Variants in RC3H1 observed in about 807,000 individuals in gnomAD.
RC3H1 encodes ring finger and CCCH-type domains 1, also known as roquin-1.
A neutral mutation model predicts 138.2 loss-of-function variants in RC3H1; 50 were observed. The observed-to-expected ratio is 0.36, with a 90% CI of 0.29 to 0.46. The LOEUF is 0.46. Ranked by LOEUF, RC3H1 falls within the 20% of genes least tolerant of loss-of-function variation. The pLI, the probability that RC3H1 is intolerant of heterozygous loss-of-function variation, is 1.00. For missense variants in RC3H1, 1,031 were observed against 1,388.1 expected (o/e 0.74, Z 4.09); for synonymous variants, 462 against 489.1 (o/e 0.94, Z 0.73).
chr1:174,000,657 CCTTAA>C (rs753540764), intron 1 of RC3H1, among the ~76,000 whole-genome samples: 2 of 152,186 alleles, frequency 1.3e-5, no homozygotes, highest in Non-Finnish European at 2.9e-5. Flanking sequence ...TTATTCTTGA[CCTTAA>C]CTTAATTTTT....
chr1:174,015,109 T>A (rs1661835605), intron 1 of RC3H1, among the ~76,000 whole-genome samples: 1 of 152,204 alleles, frequency 6.6e-6, no homozygotes, highest in African/African-American at 2.4e-5. Context: ...CTCCAACATC[T>A]AATTTGCACC....
chr1:173,961,918 T>C lies in RC3H1; in HGVS notation c.2009A>G (p.Tyr670Cys), dbSNP rs1659901146. 4.3e-6 allele frequency: 7 copies of C among 1,613,940 alleles called. No homozygotes were observed. Among genetic ancestry groups the C allele is most frequent in the South Asian group, 1.1e-5 (1 of 91,084 alleles). ...AGCAGGGTACACTCGACGGCCATCA[T>C]AGTGAGATGGGTATATAGGTGGGTA... ...QQYPPIYPSH[Y>C]DGRRVYPAPS... The change falls in exon 12 of 20, where the codon TAT (tyrosine) becomes TGT (cysteine). Residue 670 changes from tyrosine (Y) to cysteine (C), a missense_variant. Tyr to Cys is a radical substitution (Grantham distance 194). Around this residue, in one of 7 missense-constraint regions of RC3H1, gnomAD observed 716 missense variants for 837.9 expected, o/e 0.85. Transcript: ENST00000367696.
chr1:173,951,185 C>T (rs1321637173), intron 14 of RC3H1, among the ~76,000 whole-genome samples: 2 of 151,944 alleles, frequency 1.3e-5, no homozygotes, highest in African/African-American at 4.8e-5. Flanking sequence ...ATTAGCTGGC[C>T]GTGGTGGCGC....
chr1:173,989,907 T>C (rs1297799194), intron 2 of RC3H1, among the ~76,000 whole-genome samples: 12 of 149,792 alleles, frequency 8.0e-5, no homozygotes, highest in Admixed American at 1.3e-4. Context: ...TTTGTATTTT[T>C]AGTAGAGACG....
intron 1 of RC3H1, among the ~76,000 whole-genome samples, chr1:174,017,710 T>C (rs1661884011): frequency 6.8e-6 from 1 of 146,152 alleles, no homozygotes; most frequent in African/African-American, 2.6e-5. Flanking sequence ...TAATGTTATG[T>C]GACTTAACCT....
intron 2 of RC3H1, among the ~76,000 whole-genome samples, chr1:173,985,145 C>A (rs1038938279): frequency 1.3e-5 from 2 of 152,210 alleles, no homozygotes; most frequent in African/African-American, 4.8e-5. Context: ...GTACTTCATT[C>A]ATTTTCATCA....
At chr1:173,964,746 T>A in intron 10 of RC3H1, 93 bp downstream of exon 10, 1 of 1,145,302 alleles carries the variant, frequency 8.7e-7, no homozygotes, top group Non-Finnish European at 1.2e-6. Context: ...TAATCAGGGT[T>A]TTTTTTTTTT....
chr1:173,969,924 AT>A (rs942972767), intron 9 of RC3H1, among the ~76,000 whole-genome samples: 4 of 151,656 alleles, frequency 2.6e-5, no homozygotes, highest in South Asian at 2.1e-4. Context: ...TATAATTTTA[AT>A]TTTTTTTGTA....
rs77435428 is a variant in RC3H1, at chr1:174,008,010, C to T, written c.-151+14086G>A. Among the ~76,000 whole-genome samples, 742 of 152,294 alleles carry T rather than the reference C, an allele frequency of 4.9e-3. 39 individuals are homozygous for T. The East Asian group carries it at 0.12, about 24-fold the overall frequency. On this transcript the variant is annotated intron_variant, in intron 1 of 19. Coordinates refer to ENST00000367696, the MANE Select transcript of RC3H1 (RefSeq NM_172071.4). ...TCAAGAAAACAGTGTATGCATCACA[C>T]AGCATATGTGTCACACACTAATAGT...
chr1:173,975,021 G>A (rs961816120), intron 7 of RC3H1, among the ~76,000 whole-genome samples: 1 of 152,166 alleles, frequency 6.6e-6, no homozygotes, highest in Non-Finnish European at 1.5e-5. Flanking sequence ...CAAACAGGAT[G>A]GCAGGGGAGA....
chr1:173,962,184 T>A, intron 11 of RC3H1, 89 bp from the exon 12 acceptor site: 2 of 1,183,528 alleles, frequency 1.7e-6, no homozygotes, highest in Non-Finnish European at 2.4e-6. Flanking sequence ...ACTGAAACAC[T>A]AAAGTATTGA....
intron 19 of RC3H1, among the ~76,000 whole-genome samples, chr1:173,940,429 C>T (rs978962938): frequency 6.6e-6 from 1 of 152,036 alleles, no homozygotes; most frequent in Non-Finnish European, 1.5e-5. Context: ...CGAGATCGTG[C>T]CATTGCACTC....
At chr1:174,017,799 A>AAAAAAAAAC (rs1661888886) in intron 1 of RC3H1, among the ~76,000 whole-genome samples, 1 of 150,398 alleles carries the variant, frequency 6.6e-6, no homozygotes, top group Non-Finnish European at 1.5e-5. Flanking sequence ...AAAAAAAAAA[A>AAAAAAAAAC]AAAAAAAAAA....
chr1:174,022,141 G>A lies in RC3H1; in HGVS notation c.-196C>T, dbSNP rs527543513. 0.011 allele frequency: 4,421 copies of A among 396,470 alleles called. 36 individuals are homozygous for A. Among genetic ancestry groups the A allele is most frequent in the Middle Eastern group, 0.029 (46 of 1,578 alleles). The allele number at this position is 396,470 out of a possible 1,614,324, so 24.6% of individuals were successfully genotyped here. Reference sequence around the variant, plus strand: ...CTCCTCTCAGCTCCGAGTCCCCGCGGCCGTCGCCACCGCCGCGGCAGCCGC... The same window carrying A: ...CTCCTCTCAGCTCCGAGTCCCCGCGACCGTCGCCACCGCCGCGGCAGCCGC... On this transcript the variant is annotated 5_prime_UTR_variant, in exon 1 of 20. Transcript: ENST00000367696. The surrounding 1 kb of genome is among the most constrained non-coding windows in gnomAD (Gnocchi z 4.2).
Position 173,936,697 on chromosome 1 carries a change from C to A in RC3H1, c.*2024G>T, listed in dbSNP as rs1421982530. On this transcript the variant is annotated 3_prime_UTR_variant, in exon 20 of 20. Transcript: ENST00000367696. The stretch of plus-strand genomic sequence containing the variant: ...AGGGTTTTAAGTAAAAGTCAAAAAG[C>A]AAACAAAAGCCAAAAAAAAAAGAAA... 4.2e-5 allele frequency: 2 copies of A among 48,048 alleles called. No homozygotes were observed. Among genetic ancestry groups the A allele is most frequent in the Admixed American group, 2.1e-4 (1 of 4,760 alleles). The allele number at this position is 48,048 out of a possible 1,614,324, so 3.0% of individuals were successfully genotyped here.
intron 1 of RC3H1, among the ~76,000 whole-genome samples, chr1:174,018,421 T>A (rs138706201): frequency 6.6e-6 from 1 of 152,144 alleles, no homozygotes; most frequent in East Asian, 1.9e-4. Context: ...GAAATAAATA[T>A]GCTAAAGTTA....
intron 1 of RC3H1, among the ~76,000 whole-genome samples, chr1:174,001,020 G>A (rs187042719): frequency 5.0e-4 from 76 of 152,256 alleles, no homozygotes; most frequent in Admixed American, 1.4e-3. Flanking sequence ...ATATGATTAT[G>A]TTAGTACAAA....
At chr1:173,951,674 T>C (rs1659406967) in intron 14 of RC3H1, among the ~76,000 whole-genome samples, 1 of 152,170 alleles carries the variant, frequency 6.6e-6, no homozygotes. Context: ...TTTTAACTTA[T>C]TTGGTGAAGA....
chr1:173,934,435 A>G lies in RC3H1; in HGVS notation c.*4286T>C. On this transcript the variant is annotated 3_prime_UTR_variant, in exon 20 of 20. Coordinates refer to ENST00000367696, the MANE Select transcript of RC3H1 (RefSeq NM_172071.4). ...TGAATTTTCATTACTTTTACATTTT[A>G]TAAGGCTAGCTAACTTTAACAGTTA... is the stretch of plus-strand genomic sequence containing the variant. The G allele has an allele frequency of 6.6e-6, 1 of 152,214 alleles. No homozygotes were observed. The highest frequency in any genetic ancestry group is 1.9e-4 in the East Asian group (1 of 5,204). 9.4% of individuals were successfully genotyped at this position (152,214 alleles called of 1,614,324 possible).
Sources: gnomAD v4.1 joint callset for allele counts (sites outside exome capture counted in the v4.1 genomes callset) on GRCh38, gnomAD v4.1.1 for gene constraint, gnomAD v4.1.1 regional missense constraint, Gnocchi (gnomAD v3.1) non-coding constraint, MANE v1.5 for transcripts, NCBI Gene and HGNC (gene_info 2026-07-23, HGNC 2026-07-21) for gene names.